INPP4B: variants seen among roughly 807,000 people sequenced by gnomAD.
INPP4B encodes inositol polyphosphate-4-phosphatase type II B.
INPP4B carries 55 observed loss-of-function variants against 122.5 expected under a neutral mutation model. That is an observed-to-expected ratio of 0.45 (90% CI 0.36 to 0.56). The LOEUF (loss-of-function observed/expected upper bound fraction) is 0.56, where lower values mean the gene tolerates loss of function less well. INPP4B is among the 20% of genes least tolerant of loss of function. The pLI is 0.00. For synonymous variants in INPP4B, 403 were observed against 388.7 expected, an observed-to-expected ratio of 1.04 and a Z score of -0.43; for missense variants, 1,000 against 1,097.7, an observed-to-expected ratio of 0.91 and a Z score of 1.26.
intron 2 of INPP4B, among the ~76,000 whole-genome samples, chr4:142,567,996 T>C (rs1162976274): frequency 6.6e-6 from 1 of 152,124 alleles, no homozygotes; most frequent in African/African-American, 2.4e-5. Context: ...GCTGAATGCT[T>C]TGGAACAGAG....
At chr4:142,061,881 CACACATATATATATATATATAT>C (rs1343081163) in intron 25 of INPP4B, among the ~76,000 whole-genome samples, 1 of 8,100 alleles carries the variant, frequency 1.2e-4, no homozygotes, top group African/African-American at 2.2e-4. Context: ...CACACACACA[CACACATATATATATATATATAT>C]ATATATATAT....
chr4:142,248,217 C>A lies in INPP4B; in HGVS notation c.689-10206G>T, dbSNP rs577046797. ...TCAGTGAATGGATTACATCTATATC[C>A]AGACTCCAAGACTATCAATTTTTGA... On this transcript the variant is annotated intron_variant, in intron 11 of 25. Coordinates refer to ENST00000262992, the MANE Select transcript of INPP4B (RefSeq NM_001101669.3). Among the ~76,000 whole-genome samples, 6 of 152,172 alleles carry A rather than the reference C, an allele frequency of 3.9e-5. 1 individual carries two copies. In the South Asian group the frequency reaches 1.2e-3, roughly 32 times the overall value.
intron 2 of INPP4B, among the ~76,000 whole-genome samples, chr4:142,643,956 T>C (rs1374998864): frequency 6.6e-6 from 1 of 152,010 alleles, no homozygotes; most frequent in Non-Finnish European, 1.5e-5. Context: ...ATCCCAGTGC[T>C]TTGGGAGGCT....
intron 5 of INPP4B, chr4:142,426,975 A>G (rs1808226942): frequency 6.6e-6 from 1 of 152,032 alleles, no homozygotes. Flanking sequence ...TTAAATAAAT[A>G]TGCACACCCT....
chr4:142,498,374 C>T (rs1822925805), intron 2 of INPP4B, among the ~76,000 whole-genome samples: 1 of 151,886 alleles, frequency 6.6e-6, no homozygotes, highest in South Asian at 2.1e-4. Context: ...CCACAAAGCA[C>T]TGTGATGGAA....
intron 2 of INPP4B, among the ~76,000 whole-genome samples, chr4:142,660,203 T>C (rs531372368): frequency 6.6e-6 from 1 of 152,188 alleles, no homozygotes; most frequent in East Asian, 1.9e-4. Context: ...CCCCACTTCA[T>C]GGGTACAAGC....
chr4:142,134,797 CAAAAAAAA>C (rs58297348), intron 18 of INPP4B, among the ~76,000 whole-genome samples: 7 of 51,298 alleles, frequency 1.4e-4, no homozygotes, highest in African/African-American at 3.9e-4. Flanking sequence ...AACTCTGTCT[CAAAAAAAA>C]AAAAAAAAAA....
intron 25 of INPP4B, among the ~76,000 whole-genome samples, chr4:142,064,048 C>T (rs1021791757): frequency 1.3e-5 from 2 of 151,994 alleles, no homozygotes; most frequent in Non-Finnish European, 2.9e-5. Flanking sequence ...TTATTTCAAC[C>T]CCAAATAATG....
chr4:142,392,129 C>A (rs1054902027), intron 7 of INPP4B, among the ~76,000 whole-genome samples: 2 of 152,114 alleles, frequency 1.3e-5, no homozygotes, highest in East Asian at 1.9e-4. Context: ...GGACTGTGAA[C>A]CTTGGTTTAT....
rs185652511 is a variant in INPP4B at position 142,214,832 on chromosome 4, C to G, written c.837-5806G>C. On this transcript the variant is annotated intron_variant, in intron 12 of 25. Coordinates refer to ENST00000262992, the MANE Select transcript of INPP4B (RefSeq NM_001101669.3). ...CCTCCCAAAGTGCTGGGATTGCAGG[C>G]GTGAGCCACTGCGCCCGACCCAGCA... Among the ~76,000 whole-genome samples the G allele has an allele frequency of 1.6e-4, 25 of 152,212 alleles. No individual in the cohort carries two copies. In the East Asian group the frequency reaches 4.6e-3, roughly 28 times the overall value.
In INPP4B at chr4:142,554,326, C is replaced by T. The variant is rs531640940; in HGVS notation, c.-190-91600G>A. 2.3e-4 allele frequency among the ~76,000 whole-genome samples: 34 copies of T among 145,528 alleles called. No homozygotes were observed. The South Asian group carries it at 7.1e-3, about 30-fold the overall frequency. ...CCCACCTTTCCATCTCCTCCACCAA[C>T]TCCATAGTCCAGTACTATTATTTTC... On this transcript the variant is annotated intron_variant, in intron 2 of 25. Coordinates refer to ENST00000262992, the MANE Select transcript of INPP4B (RefSeq NM_001101669.3).
intron 2 of INPP4B, among the ~76,000 whole-genome samples, chr4:142,606,937 A>C (rs1741392018): frequency 6.6e-6 from 1 of 152,050 alleles, no homozygotes; most frequent in African/African-American, 2.4e-5. Flanking sequence ...ATTAAACAAT[A>C]ATGCATAATC....
At chr4:142,039,206 A>C (rs1362536327) in intron 25 of INPP4B, among the ~76,000 whole-genome samples, 4 of 152,224 alleles carry the variant, frequency 2.6e-5, no homozygotes, top group Non-Finnish European at 5.9e-5. Flanking sequence ...TTGACTGTTC[A>C]ATAAGAAATA....
chr4:142,260,547 T>G lies in INPP4B; in HGVS notation c.633A>C (p.Glu211Asp), dbSNP rs550623193. The G allele has an allele frequency of 1.0e-5, 16 of 1,603,414 alleles. No individual in the cohort carries two copies. In the African/African-American group the frequency reaches 1.1e-4, roughly 11 times the overall value. ...VQGQKCALVC[E>D]CTAPESVSGK... The stretch of plus-strand genomic sequence containing the variant: ...CGCTCACACTTTCCGGGGCTGTACA[T>G]TCACATACCAGGGCACACTAGGAAA... Residue 211 changes from glutamate to aspartate, a missense_variant, in exon 11 of 26, where the codon GAA (glutamate) becomes GAC (aspartate). Coordinates refer to ENST00000262992, the MANE Select transcript of INPP4B (RefSeq NM_001101669.3).
chr4:142,267,425 T>C (rs1171141767), intron 10 of INPP4B, among the ~76,000 whole-genome samples: 2 of 152,124 alleles, frequency 1.3e-5, no homozygotes, highest in African/African-American at 4.8e-5. Context: ...ATATGGGCAA[T>C]TCGTTTTCAA....
At chr4:142,684,480 A>G (rs942502145) in intron 2 of INPP4B, among the ~76,000 whole-genome samples, 8 of 152,022 alleles carry the variant, frequency 5.3e-5, no homozygotes, top group African/African-American at 1.9e-4. Context: ...GAAGTCTTCT[A>G]TAAAAATTTC....
At chr4:142,810,951 G>A (rs1779438481) in intron 1 of INPP4B, among the ~76,000 whole-genome samples, 1 of 152,162 alleles carries the variant, frequency 6.6e-6, no homozygotes, top group African/African-American at 2.4e-5. Context: ...AATTATACAT[G>A]TCCAGACAGA....
chr4:142,652,450 T>G (rs559896212), intron 2 of INPP4B, among the ~76,000 whole-genome samples: 7 of 152,204 alleles, frequency 4.6e-5, no homozygotes, highest in African/African-American at 1.7e-4. Flanking sequence ...GCAGAGGACA[T>G]GATTGTATAT....
chr4:142,082,427 A>G (rs1006553663), intron 24 of INPP4B, among the ~76,000 whole-genome samples: 1 of 152,222 alleles, frequency 6.6e-6, no homozygotes. Context: ...TTGAAGCCAT[A>G]TAAGATGTAA....
Sources: gnomAD v4.1 joint callset for allele counts (sites outside exome capture counted in the v4.1 genomes callset) on GRCh38, gnomAD v4.1.1 for gene constraint, MANE v1.5 for transcripts, NCBI Gene and HGNC (gene_info 2026-07-23, HGNC 2026-07-21) for gene names.